The following FOXN3 variants were observed in gnomAD, a reference collection of about 807,000 sequenced individuals.
The protein encoded by FOXN3 is forkhead box N3.
In FOXN3, 7 loss-of-function variants were observed where a neutral mutation model predicts 38.4. The observed-to-expected ratio is 0.18, with a 90% CI of 0.10 to 0.34. The LOEUF (loss-of-function observed/expected upper bound fraction) is 0.34. Ranked by LOEUF, FOXN3 falls within the 10% of genes least tolerant of loss-of-function variation. FOXN3 has a pLI of 1.00. For synonymous variants in FOXN3, 230 were observed against 242.2 expected, an observed-to-expected ratio of 0.95 and a Z score of 0.47; for missense variants, 456 against 613.4, an observed-to-expected ratio of 0.74 and a Z score of 2.71.
At chr14:89,241,862 C>T (rs530646863) in intron 4 of FOXN3, among the ~76,000 whole-genome samples, 2 of 152,310 alleles carry the variant, frequency 1.3e-5, no homozygotes, top group African/African-American at 4.8e-5. Flanking sequence ...GTCTATCCCA[C>T]TCGCAATGGG....
At chr14:89,194,106 GT>G (rs971405312) in intron 4 of FOXN3, among the ~76,000 whole-genome samples, 8 of 151,048 alleles carry the variant, frequency 5.3e-5, no homozygotes, top group East Asian at 1.9e-4. Context: ...GAGATACATG[GT>G]TTTTTTTTCT....
intron 4 of FOXN3, among the ~76,000 whole-genome samples, chr14:89,194,240 T>A (rs59754318): frequency 0.23 from 35,449 of 152,068 alleles, 5,186 homozygotes; most frequent in African/African-American, 0.42. Context: ...TTCTAAGAAA[T>A]CTTAGCCTAC....
intron 3 of FOXN3, among the ~76,000 whole-genome samples, chr14:89,303,493 T>C (rs943412609): frequency 5.8e-4 from 50 of 85,898 alleles, no homozygotes; most frequent in Admixed American, 2.5e-3. Context: ...AATAAACATC[T>C]GCTAAAAAAA....
chr14:89,292,849 C>G (rs1056860396), intron 3 of FOXN3, among the ~76,000 whole-genome samples: 3 of 152,200 alleles, frequency 2.0e-5, no homozygotes, highest in Non-Finnish European at 1.5e-5. Context: ...CTCCACCGCA[C>G]GACCTCCCAC....
rs1566680968 is a variant in FOXN3, at chr14:89,511,181, CTTTCTTTCTTTTCTTTCTTTCT to C, written c.-14-98713_-14-98692del. 8.5e-5 allele frequency among the ~76,000 whole-genome samples: 3 copies of C among 35,158 alleles called. 1 individual carries two copies. The highest frequency in any genetic ancestry group is 1.2e-4 in the African/African-American group (2 of 16,770). The allele number at this position is 35,158 out of a possible 152,430, so 23.1% of individuals were successfully genotyped here. On this transcript the variant is annotated intron_variant, in intron 1 of 6. Coordinates refer to the FOXN3 transcript ENST00000345097. ...TCTTTCTTTCTTTCTTTCTTTCTTT[CTTTCTTTCTTTTCTTTCTTTCT>C]TTTCTTTCTTTCTTTCTTTCTTTCT...
chr14:89,246,844 C>T (rs939830441), intron 4 of FOXN3, among the ~76,000 whole-genome samples: 5 of 152,056 alleles, frequency 3.3e-5, no homozygotes, highest in African/African-American at 7.2e-5. Flanking sequence ...CAGCCGGATG[C>T]GGCTTTATGG....
chr14:89,351,861 C>G (rs550171311), intron 2 of FOXN3, among the ~76,000 whole-genome samples: 3 of 152,108 alleles, frequency 2.0e-5, no homozygotes, highest in Non-Finnish European at 4.4e-5. Flanking sequence ...AGGGGACAAT[C>G]CAAGAAAATC....
rs146444718 is a variant in FOXN3 at position 89,602,081 on chromosome 14, A to G, written c.-15+16947T>C. Reference sequence around the variant, plus strand: ...TTTTATTTTGGCAACTTTCAAACCTAAAGAAAACCTGAGCCTGGTCAACAT... The same window carrying G: ...TTTTATTTTGGCAACTTTCAAACCTGAAGAAAACCTGAGCCTGGTCAACAT... On this transcript the variant is annotated intron_variant, in intron 1 of 6. Coordinates refer to the FOXN3 transcript ENST00000345097. 5.8e-3 allele frequency among the ~76,000 whole-genome samples: 884 copies of G among 152,226 alleles called. 4 individuals carry two copies. The highest frequency in any genetic ancestry group is 0.027 in the Middle Eastern group (8 of 294).
chr14:89,363,964 ATATATATATATATATATATATATAAT>A (rs1292015382), intron 2 of FOXN3, among the ~76,000 whole-genome samples: 3 of 26,786 alleles, frequency 1.1e-4, no homozygotes, highest in African/African-American at 3.5e-4. Flanking sequence ...ATATATATAT[ATATATATATATATATATATATATAAT>A]ATATATATAT....
At chr14:89,421,594 T>C (rs1891910964), upstream of FOXN3, among the ~76,000 whole-genome samples, 1 of 150,870 alleles carries the variant, frequency 6.6e-6, no homozygotes, top group Non-Finnish European at 1.5e-5. Context: ...TGGCGCCATC[T>C]TGGCTCACTG....
chr14:89,415,880 A>ACACACACC (rs1436300828), intron 1 of FOXN3, among the ~76,000 whole-genome samples: 2 of 136,500 alleles, frequency 1.5e-5, no homozygotes, highest in East Asian at 2.1e-4. Context: ...ACACACACAC[A>ACACACACC]CACCCTCTTT....
chr14:89,216,247 C>G (rs1362737656), intron 4 of FOXN3, among the ~76,000 whole-genome samples: 1 of 152,090 alleles, frequency 6.6e-6, no homozygotes, highest in African/African-American at 2.4e-5. Context: ...AGGCTTTATG[C>G]TCTAATCGGG....
At chr14:89,462,011 C>A (rs1324351631) in intron 1 of FOXN3, among the ~76,000 whole-genome samples, 1 of 152,212 alleles carries the variant, frequency 6.6e-6, no homozygotes, top group Non-Finnish European at 1.5e-5. Context: ...TAAATATCGA[C>A]TTTTGCATTA....
chr14:89,301,223 C>G (rs1001671397), intron 3 of FOXN3, among the ~76,000 whole-genome samples: 1 of 151,838 alleles, frequency 6.6e-6, no homozygotes, highest in Non-Finnish European at 1.5e-5. Context: ...ATAATCCTAC[C>G]ATTTTGGGAG....
chr14:89,527,245 A>C (rs1894452048), intron 1 of FOXN3, among the ~76,000 whole-genome samples: 1 of 152,266 alleles, frequency 6.6e-6, no homozygotes, highest in Admixed American at 6.5e-5. Context: ...TTCAAAATGG[A>C]CAACAGAATT....
chr14:89,399,200 A>T (rs1236858628), intron 2 of FOXN3, among the ~76,000 whole-genome samples: 81 of 152,330 alleles, frequency 5.3e-4, no homozygotes, highest in African/African-American at 2.4e-5. Flanking sequence ...TCTAAAAATG[A>T]TGACAAAGAC....
intron 3 of FOXN3, chr14:89,290,315 A>G: frequency 2.8e-6 from 1 of 353,978 alleles, no homozygotes; most frequent in South Asian, 2.4e-5. Flanking sequence ...TATGATGCTC[A>G]CAATCTCACA....
intron 1 of FOXN3, among the ~76,000 whole-genome samples, chr14:89,458,677 C>G (rs73329219): frequency 0.012 from 1,877 of 152,220 alleles, 31 homozygotes; most frequent in African/African-American, 0.041. Context: ...TACCAAAAAG[C>G]TATCCAGCTG....
chr14:89,521,888 A>G (rs435817), intron 1 of FOXN3, among the ~76,000 whole-genome samples: 60,248 of 151,640 alleles, frequency 0.4, 12,221 homozygotes, highest in East Asian at 0.48. Context: ...ATGGTGGTGC[A>G]CACCTATAAT....
Sources: gnomAD v4.1 joint callset for allele counts (sites outside exome capture counted in the v4.1 genomes callset) on GRCh38, gnomAD v4.1.1 for gene constraint, MANE v1.5 for transcripts, NCBI Gene and HGNC (gene_info 2026-07-23, HGNC 2026-07-21) for gene names.